Variants in PXK observed in about 807,000 individuals in gnomAD.
PXK encodes PX domain-containing protein kinase-like protein.
Under a neutral mutation model 84.7 loss-of-function variants are expected in PXK, and 35 were observed. That is an observed-to-expected ratio of 0.41 (90% CI 0.32 to 0.55). The LOEUF is 0.55. PXK is among the 20% of genes least tolerant of loss of function. PXK has a pLI of 0.21. For missense variants in PXK, 634 were observed against 699.7 expected, an observed-to-expected ratio of 0.91 and a Z score of 1.06; for synonymous variants, 253 against 260.8, an observed-to-expected ratio of 0.97 and a Z score of 0.29.
intron 13 of PXK, among the ~76,000 whole-genome samples, chr3:58,408,144 A>G (rs193165977): frequency 3.9e-5 from 6 of 152,226 alleles, no homozygotes; most frequent in African/African-American, 1.2e-4. Context: ...CCCCCATTGT[A>G]TGTTCTTGGA....
rs139793036 is a variant in PXK at position 58,359,237 on chromosome 3, T to G, written c.103-6637T>G. ...TGAGCTGGAATTTTAAACATTAAAA[T>G]TATTCCTCTGATGGCCAGGCGCAGT... is the stretch of plus-strand genomic sequence containing the variant. On this transcript the variant is annotated intron_variant, in intron 1 of 17. Coordinates refer to ENST00000356151, the MANE Select transcript of PXK (RefSeq NM_017771.5). Among the ~76,000 whole-genome samples, 8 of 152,276 alleles carry G rather than the reference T, an allele frequency of 5.3e-5. No individual in the cohort carries two copies. The East Asian group carries it at 1.2e-3, about 22-fold the overall frequency.
Position 58,398,262 on chromosome 3 carries a change from G to A in PXK, c.1102+540G>A, listed in dbSNP as rs1180396876. Among the ~76,000 whole-genome samples, 5 of 152,162 alleles carry A rather than the reference G, an allele frequency of 3.3e-5. No homozygotes were observed. Among genetic ancestry groups the A allele is most frequent in the African/African-American group, 9.7e-5 (4 of 41,438 alleles). On this transcript the variant is annotated intron_variant, in intron 11 of 17. Transcript: ENST00000356151. The surrounding 1 kb of genome is among the most constrained non-coding windows in gnomAD (Gnocchi z 4.5). ...CTAAAATTACAAAAATTAGCTGGGC[G>A]TGGAGGTGCATGCCTGTAATCCCAG...
intron 1 of PXK, among the ~76,000 whole-genome samples, chr3:58,350,292 C>A (rs2097898541): frequency 1.3e-5 from 2 of 152,144 alleles, no homozygotes; most frequent in South Asian, 2.1e-4. Context: ...TCAGCTCCAG[C>A]AGTTTGTGTC....
intron 1 of PXK, among the ~76,000 whole-genome samples, chr3:58,337,140 A>C (rs1238193825): frequency 6.6e-6 from 1 of 152,098 alleles, no homozygotes; most frequent in Non-Finnish European, 1.5e-5. Flanking sequence ...TCTTCTGTGG[A>C]GTTCATCTGG....
chr3:58,357,817 G>A (rs1000565443), intron 1 of PXK, among the ~76,000 whole-genome samples: 1 of 152,098 alleles, frequency 6.6e-6, no homozygotes, highest in South Asian at 2.1e-4. Context: ...TGGCTTGGTG[G>A]TGGGCACCTG....
Position 58,390,552 on chromosome 3 carries a change from G to C in PXK, c.389-30G>C. On this transcript the variant is annotated intron_variant, in intron 4 of 17. Coordinates refer to ENST00000356151, the MANE Select transcript of PXK (RefSeq NM_017771.5). The surrounding 1 kb of genome is among the most constrained non-coding windows in gnomAD (Gnocchi z 4.2). ...CATATGGCCCTTTCCTGATATGTCT[G>C]ACTAATGGGTTTCTAAAATGTCTTT... is the stretch of plus-strand genomic sequence containing the variant. 6.3e-7 allele frequency: 1 copy of C among 1,580,110 alleles called. No individual in the cohort carries two copies. Among genetic ancestry groups the C allele is most frequent in the Admixed American group, 1.7e-5 (1 of 59,210 alleles).
chr3:58,418,458 G>C (rs1446237486), intron 17 of PXK, among the ~76,000 whole-genome samples: 2 of 152,148 alleles, frequency 1.3e-5, no homozygotes, highest in East Asian at 3.8e-4. Context: ...TTGAGTGCCT[G>C]CTTTCTTCAG....
At chr3:58,353,249 G>A (rs1244115832) in intron 1 of PXK, among the ~76,000 whole-genome samples, 3 of 152,014 alleles carry the variant, frequency 2.0e-5, no homozygotes, top group Non-Finnish European at 4.4e-5. Flanking sequence ...CGCCCGCCTC[G>A]GCCTCCCAAA....
Position 58,408,957 on chromosome 3 carries a change from G to A in PXK, c.1264G>A (p.Ala422Thr). 1.3e-6 allele frequency: 2 copies of A among 1,589,962 alleles called. No individual in the cohort carries two copies. ...AAAGTTAAAAGAGGCATTGAGAATT[G>A]CCAAAGAATGTATAGAGAAGAGACT... The part of the protein sequence containing the change: ...PTKLKEALRI[A>T]KECIEKRLIE... Residue 422 changes from alanine to threonine, a missense_variant, in exon 14 of 18, where the codon GCC becomes ACC. By Grantham distance (58) the Ala-to-Thr change is moderately conservative. Coordinates refer to ENST00000356151, the MANE Select transcript of PXK (RefSeq NM_017771.5).
chr3:58,338,864 G>T (rs1038151472), intron 1 of PXK, among the ~76,000 whole-genome samples: 5 of 151,776 alleles, frequency 3.3e-5, no homozygotes, highest in Non-Finnish European at 7.4e-5. Flanking sequence ...TGTATTTTTA[G>T]TAGAGACAGG....
intron 16 of PXK, among the ~76,000 whole-genome samples, chr3:58,410,805 A>G (rs932952309): frequency 6.6e-6 from 1 of 152,210 alleles, no homozygotes. Context: ...TAGAGAAGGG[A>G]AGGTTTCACC....
intron 1 of PXK, among the ~76,000 whole-genome samples, chr3:58,338,030 A>G (rs994214745): frequency 4.6e-5 from 7 of 152,196 alleles, no homozygotes; most frequent in African/African-American, 1.7e-4. Context: ...TTAGAATTCT[A>G]AGTTATACTG....
At chr3:58,372,978 T>C (rs1457308655) in intron 3 of PXK, among the ~76,000 whole-genome samples, 3 of 152,094 alleles carry the variant, frequency 2.0e-5, no homozygotes, top group South Asian at 4.1e-4. Flanking sequence ...TGTTGAAATG[T>C]TGGGAACTGG....
At position 58,333,200 on chromosome 3, in the gene PXK, C is replaced by G. The variant is rs1205319575; in HGVS notation, c.102+110C>G. The stretch of plus-strand genomic sequence containing the variant: ...GGGTCGTCGGACGGAGACCGGGCCA[C>G]AGGGTGGGCGGCCCTGGCCGAGAAG... On this transcript the variant is annotated intron_variant, in intron 1 of 17. Transcript: ENST00000356151. The surrounding 1 kb of genome is among the most constrained non-coding windows in gnomAD (Gnocchi z 5.4). 11 of 612,764 alleles carry G rather than the reference C, an allele frequency of 1.8e-5. No homozygotes were observed. Among genetic ancestry groups the G allele is most frequent in the Middle Eastern group, 7.8e-4 (1 of 1,280 alleles). The allele number at this position is 612,764 out of a possible 1,614,324, so 38.0% of individuals were successfully genotyped here. A position where few individuals can be genotyped will look rare whatever the true frequency, so the allele number is the denominator to read the frequency against.
In PXK at chr3:58,414,176, T is replaced by C. The variant is rs1002194893; in HGVS notation, c.1528+1213T>C. The C allele has an allele frequency of 1.3e-5, 2 of 152,222 alleles. No individual in the cohort carries two copies. Among genetic ancestry groups the C allele is most frequent in the Admixed American group, 6.5e-5 (1 of 15,278 alleles). 9.4% of individuals were successfully genotyped at this position (152,222 alleles called of 1,614,324 possible). ...TAGGCTGATCAGAAATGTCTGGTGA[T>C]CTACTGCCCGGACTATATTAAGCCA... On this transcript the variant is annotated intron_variant, in intron 17 of 17. Transcript: ENST00000356151. This position sits in a 1 kb window ranked among gnomAD's most constrained non-coding sequence, Gnocchi z 4.5.
chr3:58,372,524 G>A (rs906673800), intron 3 of PXK, among the ~76,000 whole-genome samples: 3 of 151,506 alleles, frequency 2.0e-5, no homozygotes, highest in Non-Finnish European at 4.4e-5. Context: ...GGGTTTCACC[G>A]TGTTAGCCAG....
rs577565276 is a variant in PXK at position 58,389,033 on chromosome 3, G to A, written c.389-1549G>A. 2.0e-5 allele frequency among the ~76,000 whole-genome samples: 3 copies of A among 152,126 alleles called. No homozygotes were observed. In the South Asian group the frequency reaches 6.2e-4, roughly 32 times the overall value. On this transcript the variant is annotated intron_variant, in intron 4 of 17. Coordinates refer to ENST00000356151, the MANE Select transcript of PXK (RefSeq NM_017771.5). ...GGGGAAATGGCAAATTACAGATGTT[G>A]CTTTTTACAGGAAATGTAAAAGCAC...
intron 1 of PXK, among the ~76,000 whole-genome samples, chr3:58,365,134 A>C (rs2098251268): frequency 6.6e-6 from 1 of 151,896 alleles, no homozygotes; most frequent in Non-Finnish European, 1.5e-5. Flanking sequence ...TCTCTTTTCT[A>C]ATATAAGCAT....
intron 1 of PXK, among the ~76,000 whole-genome samples, chr3:58,348,199 G>A (rs1208831711): frequency 2.6e-5 from 4 of 152,166 alleles, no homozygotes; most frequent in East Asian, 1.9e-4. Context: ...GTGAGCTGCC[G>A]TGCCCAGCTG....
Sources: gnomAD v4.1 joint callset for allele counts (sites outside exome capture counted in the v4.1 genomes callset) on GRCh38, gnomAD v4.1.1 for gene constraint, Gnocchi (gnomAD v3.1) non-coding constraint, MANE v1.5 for transcripts, NCBI Gene and HGNC (gene_info 2026-07-23, HGNC 2026-07-21) for gene names.